The following ADCK2 variants were observed in gnomAD, a reference collection of about 807,000 sequenced individuals.
The protein encoded by ADCK2 is aarF domain containing kinase 2.
In ADCK2, 37 loss-of-function variants were observed where a neutral mutation model predicts 52.3. That is an observed-to-expected ratio of 0.71 (90% CI 0.54 to 0.93). ADCK2 has a LOEUF of 0.93. Among genes scored for constraint, ADCK2 ranks in the 40% least tolerant of loss-of-function variants. The pLI is 0.00. For missense variants in ADCK2, 695 were observed against 798.7 expected (o/e 0.87, Z 1.56); for synonymous variants, 321 against 349.2 (o/e 0.92, Z 0.90).
At chr7:140,691,504 G>A (rs1214754970) in intron 7 of ADCK2, among the ~76,000 whole-genome samples, 1 of 149,570 alleles carries the variant, frequency 6.7e-6, no homozygotes, top group Non-Finnish European at 1.5e-5. Flanking sequence ...GTCATGCCTT[G>A]TGTCCTGGTG....
rs1794749879 is a variant in ADCK2, at chr7:140,693,866, T to C, written c.1741-797T>C. Among the ~76,000 whole-genome samples, 1 of 152,046 alleles carries C rather than the reference T, an allele frequency of 6.6e-6. No homozygotes were observed. The highest frequency in any genetic ancestry group is 2.1e-4 in the South Asian group (1 of 4,822). The stretch of plus-strand genomic sequence containing the variant: ...CTGAGACCACAGGCGCCTGCCACCA[T>C]GCCCGGCTGATTTTTTGTATTTTTA... On this transcript the variant is annotated intron_variant, in intron 7 of 7. Transcript: ENST00000072869. This position sits in a 1 kb window ranked among gnomAD's most constrained non-coding sequence, Gnocchi z 4.0.
At chr7:140,679,035 C>A in intron 2 of ADCK2, 120 bp from the exon 3 acceptor site, 1 of 1,330,286 alleles carries the variant, frequency 7.5e-7, no homozygotes, top group Non-Finnish European at 1.0e-6. Context: ...GCAAGTTCTG[C>A]GGGGCAAGCT....
chr7:140,673,183 G>A lies in ADCK2; in HGVS notation c.-148G>A, dbSNP rs1212105764. On this transcript the variant is annotated 5_prime_UTR_variant, in exon 1 of 8. Transcript: ENST00000072869. The surrounding 1 kb of genome is among the most constrained non-coding windows in gnomAD (Gnocchi z 6.4). ...GGGCCTCCGGCCTGAGGCCCGGCGA[G>A]GTGCTGGAGGGAGCGGGGCGCGGAT... 12 of 529,082 alleles carry A rather than the reference G, an allele frequency of 2.3e-5. No individual in the cohort carries two copies. Among genetic ancestry groups the A allele is most frequent in the African/African-American group, 3.9e-5 (2 of 50,720 alleles). 32.8% of individuals were successfully genotyped at this position (529,082 alleles called of 1,614,324 possible).
chr7:140,685,633 T>G (rs765314214), intron 4 of ADCK2, among the ~76,000 whole-genome samples: 11 of 152,036 alleles, frequency 7.2e-5, no homozygotes, highest in Non-Finnish European at 1.5e-4. Context: ...AAAGCCACAG[T>G]CTGGACTAGG....
At position 140,684,952 on chromosome 7, in the gene ADCK2, A is replaced by AG. The variant is rs544898424; in HGVS notation, c.1306-2034dup. Among the ~76,000 whole-genome samples, 17 of 152,228 alleles carry AG rather than the reference A, an allele frequency of 1.1e-4. No individual in the cohort carries two copies. In the South Asian group the frequency reaches 3.5e-3, roughly 32 times the overall value. On this transcript the variant is annotated intron_variant, in intron 4 of 7. Transcript: ENST00000072869. ...CAAGGGGCACAAGAGGGATGTAGCCAGGGGAGAAGCACCATGAAGCAGCAC... is the reference window on the plus strand; with the variant it reads ...CAAGGGGCACAAGAGGGATGTAGCCAGGGGGAGAAGCACCATGAAGCAGCAC...
Position 140,673,339 on chromosome 7 carries a change from G to C in ADCK2, c.9G>C (p.Ala3=). The change falls in exon 1 of 8, where the codon GCG becomes GCC. Residue 3 remains alanine, a synonymous_variant. Coordinates refer to ENST00000072869, the MANE Select transcript of ADCK2 (RefSeq NM_052853.4). This position sits in a 1 kb window ranked among gnomAD's most constrained non-coding sequence, Gnocchi z 6.4. MV[A]PWRVSVRVCL... ...CCGCGGGCCTCGGGAGGATGGTGGC[G>C]CCCTGGCGCGTCTCCGTCAGGGTTT... 1 of 1,450,712 alleles carries C rather than the reference G, an allele frequency of 6.9e-7. No individual in the cohort carries two copies. The highest frequency in any genetic ancestry group is 9.1e-7 in the Non-Finnish European group (1 of 1,099,642). The allele number at this position is 1,450,712 out of a possible 1,614,324, so 89.9% of individuals were successfully genotyped here. A position where few individuals can be genotyped will look rare whatever the true frequency, so the allele number is the denominator to read the frequency against.
Position 140,672,963 on chromosome 7 carries a change from T to A in ADCK2, c.-368T>A, listed in dbSNP as rs954649217. Among the ~76,000 whole-genome samples the A allele has an allele frequency of 4.0e-5, 6 of 150,526 alleles. No individual in the cohort carries two copies. In the East Asian group the frequency reaches 7.9e-4, roughly 20 times the overall value. On this transcript the variant is annotated 5_prime_UTR_variant, in exon 1 of 8. Transcript: ENST00000072869. ...GGTGCCCGCCACCCCAGCGATCTCATACTGGCCCCTGGGCGCACGGTGACC... is the reference window on the plus strand; with the variant it reads ...GGTGCCCGCCACCCCAGCGATCTCAAACTGGCCCCTGGGCGCACGGTGACC...
intron 4 of ADCK2, among the ~76,000 whole-genome samples, chr7:140,684,515 C>CGAGGCGGATAGGGTCTCA (rs563572653): frequency 1.6e-4 from 24 of 152,048 alleles, no homozygotes; most frequent in Admixed American, 1.2e-3. Flanking sequence ...GCGATGGGGT[C>CGAGGCGGATAGGGTCTCA]GAGGCGGATA....
At chr7:140,681,270 T>C (rs1794511290) in intron 4 of ADCK2, 133 bp downstream of exon 4, 1 of 764,882 alleles carries the variant, frequency 1.3e-6, no homozygotes, top group Admixed American at 2.3e-5. Flanking sequence ...AAGTCTGGTC[T>C]AGAAAGAGTG....
Position 140,674,717 on chromosome 7 carries a change from C to T in ADCK2, c.1040C>T (p.Pro347Leu). 1 of 1,614,136 alleles carries T rather than the reference C, an allele frequency of 6.2e-7. No homozygotes were observed. The highest frequency in any genetic ancestry group is 8.5e-7 in the Non-Finnish European group (1 of 1,180,022). The change falls in exon 2 of 8, where the codon CCT (proline) becomes CTT (leucine). Residue 347 changes from proline (P) to leucine (L), a missense_variant. By Grantham distance (98) the Pro-to-Leu change is moderately conservative. Transcript: ENST00000072869. This position sits in a 1 kb window ranked among gnomAD's most constrained non-coding sequence, Gnocchi z 4.6. ...CCAGGCATCAAGTGGCTTAGCTTGC[C>T]TGAGATTGTGGAGGAATTTGAGAAG... ...VLPGIKWLSL[P>L]EIVEEFEKLM...
chr7:140,683,019 A>AAAGC (rs1470014740), intron 4 of ADCK2, among the ~76,000 whole-genome samples: 1 of 146,328 alleles, frequency 6.8e-6, no homozygotes, highest in Non-Finnish European at 1.5e-5. Context: ...AAAAAAAAAA[A>AAAGC]AAGCCAGGCG....
intron 4 of ADCK2, 59 bp from the exon 5 acceptor site, chr7:140,686,931 C>T: frequency 6.3e-7 from 1 of 1,584,830 alleles, no homozygotes. Context: ...CTTTCTTTCT[C>T]TGTAGGTTGG....
In ADCK2 at chr7:140,674,573, G is replaced by A. The variant is rs778776340; in HGVS notation, c.934-38G>A. The stretch of plus-strand genomic sequence containing the variant: ...GCCCTGGCTGGGTAAAATGTGTCCA[G>A]CAGGTTTCTCCTGTCTCACGGTTCC... On this transcript the variant is annotated intron_variant, in intron 1 of 7. Transcript: ENST00000072869. The surrounding 1 kb of genome is among the most constrained non-coding windows in gnomAD (Gnocchi z 4.6). 1 of 1,591,998 alleles carries A rather than the reference G, an allele frequency of 6.3e-7. No homozygotes were observed. Among genetic ancestry groups the A allele is most frequent in the East Asian group, 2.3e-5 (1 of 44,380 alleles).
chr7:140,686,730 G>T (rs1261520751), intron 4 of ADCK2, among the ~76,000 whole-genome samples: 1 of 152,134 alleles, frequency 6.6e-6, no homozygotes, highest in Non-Finnish European at 1.5e-5. Flanking sequence ...TAGGTGTAAA[G>T]CCACTGAGAC....
At position 140,674,138 on chromosome 7, in the gene ADCK2, C is replaced by A. The variant is rs755461783; in HGVS notation, c.808C>A (p.Gln270Lys). ...GRKPPENLAD[Q>K]SFLERLLLPK... ...GAAACCTCCAGAAAATCTCGCAGAC[C>A]AGTCGTTTCTAGAAAGGCTGCTCCT... Residue 270 changes from glutamine to lysine, a missense_variant, in exon 1 of 8, where the codon CAG (glutamine) becomes AAG (lysine). Physicochemically the swap from Gln to Lys is moderately conservative, Grantham distance 53. Transcript: ENST00000072869. This position sits in a 1 kb window ranked among gnomAD's most constrained non-coding sequence, Gnocchi z 4.6. 3.7e-6 allele frequency: 6 copies of A among 1,614,080 alleles called. No individual in the cohort carries two copies. Among genetic ancestry groups the A allele is most frequent in the Non-Finnish European group, 5.1e-6 (6 of 1,180,028 alleles).
intron 4 of ADCK2, among the ~76,000 whole-genome samples, chr7:140,683,270 C>T (rs781190218): frequency 1.8e-4 from 27 of 152,070 alleles, no homozygotes; most frequent in Non-Finnish European, 2.8e-4. Context: ...GGCGACAGAG[C>T]GAGACTCCGT....
intron 7 of ADCK2, among the ~76,000 whole-genome samples, chr7:140,694,100 T>C (rs1002868949): frequency 2.0e-5 from 3 of 152,124 alleles, no homozygotes; most frequent in Non-Finnish European, 4.4e-5. Flanking sequence ...GTGGGAGGAT[T>C]GCTTGGGGCC....
In ADCK2 at chr7:140,673,417, G is replaced by C; in HGVS notation, c.87G>C (p.Arg29Ser). The C allele has an allele frequency of 6.3e-7, 1 of 1,598,514 alleles. No homozygotes were observed. Among genetic ancestry groups the C allele is most frequent in the South Asian group, 1.1e-5 (1 of 89,138 alleles). The change falls in exon 1 of 8, where the codon AGG becomes AGC. Residue 29 changes from arginine to serine, a missense_variant. By Grantham distance (110) the Arg-to-Ser change is moderately radical. Transcript: ENST00000072869. The surrounding 1 kb of genome is among the most constrained non-coding windows in gnomAD (Gnocchi z 6.4). ...FELRQGLSLLRPSECPRDARL... is the reference protein window; with the variant it reads ...FELRQGLSLLSPSECPRDARL... The stretch of plus-strand genomic sequence containing the variant: ...TCAGACAGGGACTCAGCCTCCTGAG[G>C]CCCTCCGAGTGCCCTCGCGATGCCA...
chr7:140,676,157 A>C (rs1794412122), intron 2 of ADCK2, among the ~76,000 whole-genome samples: 1 of 152,162 alleles, frequency 6.6e-6, no homozygotes, highest in Non-Finnish European at 1.5e-5. Flanking sequence ...GGCAGATTCG[A>C]TGTCTGGTGA....
Sources: gnomAD v4.1 joint callset for allele counts (sites outside exome capture counted in the v4.1 genomes callset) on GRCh38, gnomAD v4.1.1 for gene constraint, Gnocchi (gnomAD v3.1) non-coding constraint, MANE v1.5 for transcripts, NCBI Gene and HGNC (gene_info 2026-07-23, HGNC 2026-07-21) for gene names.